USP34: variants seen among roughly 807,000 people sequenced by gnomAD.
USP34 encodes ubiquitin specific peptidase 34.
USP34 carries 70 observed loss-of-function variants against 460.3 expected under a neutral mutation model. The observed-to-expected ratio is 0.15, with a 90% CI of 0.13 to 0.19. USP34 has a LOEUF of 0.19. USP34 is among the 10% of genes least tolerant of loss of function. The probability of loss-of-function intolerance (pLI) is 1.00; values close to 1 mark genes in which losing one functional copy is unlikely to be tolerated. For synonymous variants in USP34, 1,647 were observed against 1,405.3 expected (o/e 1.17, Z -3.85); for missense variants, 3,985 against 4,236.2 (o/e 0.94, Z 1.65).
At chr2:61,452,409 C>T (rs1386696952) in intron 1 of USP34, among the ~76,000 whole-genome samples, 2 of 146,604 alleles carry the variant, frequency 1.4e-5, no homozygotes, top group Non-Finnish European at 3.0e-5. Context: ...ATTGCAACCT[C>T]GACCTCCGGG....
intron 53 of USP34, 25 bp downstream of exon 53, chr2:61,241,535 T>C (rs764292973): frequency 5.9e-6 from 9 of 1,534,258 alleles, no homozygotes; most frequent in Middle Eastern, 1.8e-4. Flanking sequence ...TTTTAAAATG[T>C]TGCTCAAATG....
chr2:61,249,704 T>C (rs1305223908), intron 48 of USP34: 1 of 151,654 alleles, frequency 6.6e-6, no homozygotes, highest in East Asian at 1.9e-4. Flanking sequence ...CAGAGCAGAG[T>C]CCCCACGATG....
At chr2:61,262,551 G>C (rs1688923334) in intron 43 of USP34, among the ~76,000 whole-genome samples, 1 of 152,132 alleles carries the variant, frequency 6.6e-6, no homozygotes, top group African/African-American at 2.4e-5. Flanking sequence ...GTTCTATGCT[G>C]TATATGTACC....
chr2:61,257,679 A>C (rs565285992), intron 44 of USP34, among the ~76,000 whole-genome samples: 1 of 151,810 alleles, frequency 6.6e-6, no homozygotes, highest in African/African-American at 2.4e-5. Context: ...CAGGCGGATT[A>C]TGAGGTCAAG....
At chr2:61,234,369 G>T (rs1474601840) in intron 57 of USP34, among the ~76,000 whole-genome samples, 2 of 152,170 alleles carry the variant, frequency 1.3e-5, no homozygotes, top group Non-Finnish European at 2.9e-5. Context: ...AGTTAAGATG[G>T]CAATATGATT....
intron 3 of USP34, among the ~76,000 whole-genome samples, chr2:61,396,576 C>T (rs1282123835): frequency 6.6e-6 from 1 of 151,892 alleles, no homozygotes; most frequent in Admixed American, 6.6e-5. Flanking sequence ...GCAAGCTCTG[C>T]CTCCTGGGTT....
At chr2:61,299,902 T>C (rs1468887265) in intron 29 of USP34, among the ~76,000 whole-genome samples, 2 of 152,230 alleles carry the variant, frequency 1.3e-5, no homozygotes, top group African/African-American at 4.8e-5. Context: ...CAGGCATCTA[T>C]CTATCCTTCA....
chr2:61,457,082 C>T (rs182111071), intron 1 of USP34, among the ~76,000 whole-genome samples: 2 of 152,146 alleles, frequency 1.3e-5, no homozygotes, highest in Non-Finnish European at 2.9e-5. Flanking sequence ...TCAAGACCAG[C>T]CTGGGTAACA....
At position 61,296,839 on chromosome 2, in the gene USP34, A is replaced by C; in HGVS notation, c.4215T>G (p.Pro1405=). 12 of 1,613,766 alleles carry C rather than the reference A, an allele frequency of 7.4e-6. No individual in the cohort carries two copies. Among genetic ancestry groups the C allele is most frequent in the Non-Finnish European group, 1.0e-5 (12 of 1,179,846 alleles). Residue 1405 remains proline (P), a synonymous_variant, in exon 30 of 80, where the codon CCT becomes CCG. Transcript: ENST00000398571. Reference sequence around the variant, plus strand: ...TATTCTGGAATGCCATCAACATATTAGGACATGTAGGAAGAAGCATCAGTA... The same window carrying C: ...TATTCTGGAATGCCATCAACATATTCGGACATGTAGGAAGAAGCATCAGTA... The part of the protein sequence containing the change: ...WELLMLLPTC[P]NMLMAFQNIS...
In USP34 at chr2:61,369,003, A is replaced by G. The variant is rs1292956296; in HGVS notation, c.1251+1318T>C. ...ATAAAAAAAATAAGAAAAACAATTG[A>G]TAAATAGCAAAAAATATGAACAATT... On this transcript the variant is annotated intron_variant, in intron 10 of 79. Coordinates refer to ENST00000398571, the MANE Select transcript of USP34 (RefSeq NM_014709.4). 6.6e-5 allele frequency among the ~76,000 whole-genome samples: 10 copies of G among 152,242 alleles called. No individual in the cohort carries two copies. The East Asian group carries it at 1.7e-3, about 26-fold the overall frequency.
intron 75 of USP34, 145 bp from the exon 76 acceptor site, chr2:61,193,125 A>G (rs920243360): frequency 1.6e-6 from 1 of 627,814 alleles, no homozygotes; most frequent in African/African-American, 1.9e-5. Context: ...GGAAAAATTC[A>G]TTCCAATGTT....
chr2:61,315,074 T>G, intron 23 of USP34, 100 bp from the exon 24 acceptor site: 1 of 763,478 alleles, frequency 1.3e-6, no homozygotes, highest in Non-Finnish European at 2.1e-6. Context: ...CAACTCCTAT[T>G]ATTCAGCTAT....
In USP34 at chr2:61,296,788, T is replaced by G. The variant is rs746759680; in HGVS notation, c.4254+12A>C. 3.7e-6 allele frequency: 6 copies of G among 1,608,684 alleles called. No homozygotes were observed. Among genetic ancestry groups the G allele is most frequent in the African/African-American group, 1.3e-5 (1 of 74,602 alleles). ...CAGCCTCTAGGAGAGTAAAGAGATTTTGTGGGCTCACCTGCTCATCTGAGA... is the reference window on the plus strand; with the variant it reads ...CAGCCTCTAGGAGAGTAAAGAGATTGTGTGGGCTCACCTGCTCATCTGAGA... On this transcript the variant is annotated intron_variant, in intron 30 of 79. Transcript: ENST00000398571.
At chr2:61,368,712 C>A (rs772451070) in intron 10 of USP34, among the ~76,000 whole-genome samples, 1 of 152,106 alleles carries the variant, frequency 6.6e-6, no homozygotes, top group Non-Finnish European at 1.5e-5. Context: ...TAAATCCCAG[C>A]TGGATCAAAG....
In USP34 at chr2:61,293,567, AAGTAAT is replaced by A; in HGVS notation, c.4462-23_4462-18del. On this transcript the variant is annotated intron_variant, in intron 32 of 79. Coordinates refer to ENST00000398571, the MANE Select transcript of USP34 (RefSeq NM_014709.4). The stretch of plus-strand genomic sequence containing the variant: ...AGCAACAAACTGTAGGCAATTGTGA[AAGTAAT>A]AGTAAGAGAAAAGCAGATATATAAT... 6 of 1,592,808 alleles carry A rather than the reference AAGTAAT, an allele frequency of 3.8e-6. No homozygotes were observed. The highest frequency in any genetic ancestry group is 5.2e-6 in the Non-Finnish European group (6 of 1,163,462).
At chr2:61,468,186 T>TA (rs1488251199) in intron 1 of USP34, among the ~76,000 whole-genome samples, 1 of 152,040 alleles carries the variant, frequency 6.6e-6, no homozygotes, top group Non-Finnish European at 1.5e-5. Context: ...ATTGTTGAAG[T>TA]AAAAAAAATG....
At position 61,190,296 on chromosome 2, in the gene USP34, G is replaced by T. The variant is rs375227691; in HGVS notation, c.9848C>A (p.Ser3283Tyr). The T allele has an allele frequency of 3.1e-6, 5 of 1,613,230 alleles. No homozygotes were observed. The highest frequency in any genetic ancestry group is 1.1e-5 in the South Asian group (1 of 90,774). ...QSDFSNRVEI[S>Y]KASASLNGDL... ...CCCATTTAAAGAAGCACTTGCTTTG[G>T]AAATTTCAACTCGGTTGGAGAAATC... is the stretch of plus-strand genomic sequence containing the variant. The change falls in exon 78 of 80, where the codon TCC becomes TAC. Residue 3283 changes from serine (S) to tyrosine (Y), a missense_variant. Physicochemically the swap from Ser to Tyr is moderately radical, Grantham distance 144. Around this residue, in one of 14 missense-constraint regions of USP34, gnomAD observed 506 missense variants for 439.0 expected, o/e 1.15. Coordinates refer to ENST00000398571, the MANE Select transcript of USP34 (RefSeq NM_014709.4).
chr2:61,314,877 T>C lies in USP34; in HGVS notation c.3380A>G (p.Asn1127Ser), dbSNP rs753612150. ...AIQYINSYYI[N>S]GKTGLEKEQE... ...AGACAATGTTTCAAATCACTTACCA[T>C]TAATATAATAGGAGTTAATATACTG... Residue 1127 changes from asparagine (N) to serine (S), a missense_variant and splice_region_variant, in exon 24 of 80, where the codon AAT becomes AGT. This residue lies in a region of USP34 where 1,114 missense variants were observed against 1,122.5 expected (regional missense o/e 0.99). Coordinates refer to ENST00000398571, the MANE Select transcript of USP34 (RefSeq NM_014709.4). 6.2e-7 allele frequency: 1 copy of C among 1,607,788 alleles called. No individual in the cohort carries two copies. The highest frequency in any genetic ancestry group is 8.5e-7 in the Non-Finnish European group (1 of 1,178,422).
rs1418226350 is a variant in USP34 at position 61,284,950 on chromosome 2, A to G, written c.4757T>C (p.Leu1586Pro). Reference protein sequence around the residue: ...LHIPRLTEVFLVLVQGTSLIQ... With the variant: ...LHIPRLTEVFPVLVQGTSLIQ... ...CAAACTGGTTCCTTGGACAAGAACA[A>G]GAAATACCTTTAAAACAAAAACATT... Residue 1586 changes from leucine to proline, a missense_variant, in exon 35 of 80, where the codon CTT becomes CCT. This residue lies in a region of USP34 where 1,114 missense variants were observed against 1,122.5 expected (regional missense o/e 0.99). Coordinates refer to ENST00000398571, the MANE Select transcript of USP34 (RefSeq NM_014709.4). The G allele has an allele frequency of 1.2e-6, 2 of 1,609,008 alleles. No homozygotes were observed. The highest frequency in any genetic ancestry group is 1.7e-6 in the Non-Finnish European group (2 of 1,178,072).
Sources: gnomAD v4.1 joint callset for allele counts (sites outside exome capture counted in the v4.1 genomes callset) on GRCh38, gnomAD v4.1.1 for gene constraint, gnomAD v4.1.1 regional missense constraint, MANE v1.5 for transcripts, NCBI Gene and HGNC (gene_info 2026-07-23, HGNC 2026-07-21) for gene names.